Variants in WWOX observed in about 807,000 individuals in gnomAD.
The protein encoded by WWOX is WW domain containing oxidoreductase, also known as WW domain-containing oxidoreductase.
A neutral mutation model predicts 46.2 loss-of-function variants in WWOX; 69 were observed. The ratio of observed to expected loss-of-function variants is 1.49; its 90% confidence interval spans 1.23 to 1.82. WWOX has a LOEUF of 1.82. WWOX is among the 40% of genes most tolerant of loss of function. The probability of loss-of-function intolerance (pLI) is 0.00; values close to 1 mark genes in which losing one functional copy is unlikely to be tolerated. For missense variants in WWOX, 919 were observed against 542.6 expected, an observed-to-expected ratio of 1.69 and a Z score of -6.89; for synonymous variants, 359 against 202.6, an observed-to-expected ratio of 1.77 and a Z score of -6.56.
chr16:78,717,798 A>G (rs1175175344), intron 8 of WWOX, among the ~76,000 whole-genome samples: 1 of 152,060 alleles, frequency 6.6e-6, no homozygotes, highest in Non-Finnish European at 1.5e-5. Flanking sequence ...ATTTAGAAGG[A>G]TGCCCTGTGG....
intron 8 of WWOX, among the ~76,000 whole-genome samples, chr16:78,690,841 C>G (rs139978020): frequency 0.012 from 1,885 of 152,312 alleles, 20 homozygotes; most frequent in South Asian, 0.036. Flanking sequence ...CTCCAGCAGC[C>G]TACCCAGGAT....
intron 8 of WWOX, among the ~76,000 whole-genome samples, chr16:79,026,614 CTT>C (rs748965500): frequency 5.9e-5 from 6 of 101,110 alleles, no homozygotes; most frequent in South Asian, 3.7e-4. Flanking sequence ...GTGGTAGACT[CTT>C]TTTTTTTTTT....
intron 8 of WWOX, among the ~76,000 whole-genome samples, chr16:78,817,169 A>ATT (rs1460643310): frequency 3.5e-3 from 94 of 26,572 alleles, no homozygotes; most frequent in African/African-American, 0.012. Context: ...CATTAGTGCT[A>ATT]TTCTTTTTTT....
intron 8 of WWOX, among the ~76,000 whole-genome samples, chr16:79,095,619 G>T (rs561820062): frequency 6.6e-6 from 1 of 152,100 alleles, no homozygotes; most frequent in Non-Finnish European, 1.5e-5. Flanking sequence ...AGCGGAAGTC[G>T]ATCTTCTTGG....
chr16:78,768,458 C>T (rs769562825), intron 8 of WWOX, among the ~76,000 whole-genome samples: 1 of 151,686 alleles, frequency 6.6e-6, no homozygotes, highest in Admixed American at 6.6e-5. Flanking sequence ...GGTGTGGTGG[C>T]GCACGCCTGT....
At chr16:78,430,221 A>G (rs150412591) in intron 7 of WWOX, among the ~76,000 whole-genome samples, 3,123 of 152,210 alleles carry the variant, frequency 0.021, 44 homozygotes, top group African/African-American at 0.043. Flanking sequence ...CTTATTCACT[A>G]CCATGAGAAC....
intron 8 of WWOX, among the ~76,000 whole-genome samples, chr16:78,625,246 G>T (rs1021577949): frequency 1.1e-4 from 17 of 152,094 alleles, no homozygotes; most frequent in African/African-American, 3.9e-4. Context: ...CGCTGCCCCA[G>T]CCCCACTCTT....
intron 8 of WWOX, among the ~76,000 whole-genome samples, chr16:78,901,746 C>T (rs1016205868): frequency 3.3e-5 from 5 of 152,212 alleles, no homozygotes; most frequent in Non-Finnish European, 7.3e-5. Flanking sequence ...GCCATGGTCT[C>T]CCAAAGTGCT....
intron 8 of WWOX, among the ~76,000 whole-genome samples, chr16:78,850,163 A>G (rs565630598): frequency 2.6e-5 from 4 of 151,828 alleles, no homozygotes; most frequent in African/African-American, 9.7e-5. Context: ...AGTGTGTGTG[A>G]GTGTGTGTGT....
intron 8 of WWOX, among the ~76,000 whole-genome samples, chr16:78,868,864 A>G (rs552153671): frequency 6.6e-6 from 1 of 152,250 alleles, no homozygotes; most frequent in African/African-American, 2.4e-5. Flanking sequence ...TGTCTCATGG[A>G]TTTTTAATAT....
chr16:79,092,832 C>CACTCA (rs2048991037), intron 8 of WWOX, among the ~76,000 whole-genome samples: 1 of 152,198 alleles, frequency 6.6e-6, no homozygotes, highest in Admixed American at 6.5e-5. Flanking sequence ...GAGGCTGTCT[C>CACTCA]ACTCAGGCCC....
chr16:78,477,036 A>G (rs1443132757), intron 8 of WWOX, among the ~76,000 whole-genome samples: 1 of 152,132 alleles, frequency 6.6e-6, no homozygotes, highest in Non-Finnish European at 1.5e-5. Context: ...AATTATTTAT[A>G]CATTTAACAC....
intron 8 of WWOX, among the ~76,000 whole-genome samples, chr16:79,040,311 G>C (rs1244951102): frequency 7.6e-6 from 1 of 131,256 alleles, no homozygotes. Flanking sequence ...GTCTCATTCT[G>C]TTGCCCAGAC....
At position 78,099,759 on chromosome 16, in the gene WWOX, A is replaced by C; in HGVS notation, c.-20A>C. On this transcript the variant is annotated 5_prime_UTR_variant, in exon 1 of 9. Transcript: ENST00000566780. ...CCCGGCAGCGGGCGATAGGGGGGCCAGGTGCCTCCACAGTCAGCCATGGCA... is the reference window on the plus strand; with the variant it reads ...CCCGGCAGCGGGCGATAGGGGGGCCCGGTGCCTCCACAGTCAGCCATGGCA... 6.5e-7 allele frequency: 1 copy of C among 1,530,332 alleles called. No individual in the cohort carries two copies. Among genetic ancestry groups the C allele is most frequent in the South Asian group, 1.2e-5 (1 of 81,540 alleles). 94.8% of individuals were successfully genotyped at this position (1,530,332 alleles called of 1,614,324 possible). A position where few individuals can be genotyped will look rare whatever the true frequency, so the allele number is the denominator to read the frequency against.
At chr16:78,478,012 TTG>T (rs2084393386) in intron 8 of WWOX, among the ~76,000 whole-genome samples, 1 of 152,212 alleles carries the variant, frequency 6.6e-6, no homozygotes, top group African/African-American at 2.4e-5. Context: ...TACCTAACAT[TTG>T]TTATTTTAAA....
At chr16:78,910,295 A>T (rs898265110) in intron 8 of WWOX, among the ~76,000 whole-genome samples, 16 of 150,402 alleles carry the variant, frequency 1.1e-4, no homozygotes, top group Non-Finnish European at 1.9e-4. Flanking sequence ...GACTCACATG[A>T]CAAAATGGAT....
intron 8 of WWOX, among the ~76,000 whole-genome samples, chr16:79,070,424 C>G (rs1485133703): frequency 1.3e-5 from 2 of 152,266 alleles, no homozygotes; most frequent in African/African-American, 2.4e-5. Flanking sequence ...AATGACGTAT[C>G]AGTCCAGATG....
intron 8 of WWOX, among the ~76,000 whole-genome samples, chr16:78,508,175 A>AT (rs1195091101): frequency 6.6e-6 from 1 of 151,936 alleles, no homozygotes; most frequent in Non-Finnish European, 1.5e-5. Context: ...AGCTTTGCTA[A>AT]TTTTTGTATT....
intron 5 of WWOX, among the ~76,000 whole-genome samples, chr16:78,361,074 C>T (rs965747737): frequency 3.3e-5 from 5 of 152,150 alleles, no homozygotes; most frequent in South Asian, 2.1e-4. Context: ...CTGCTTACCT[C>T]GGCTTCCCAA....
Sources: allele counts gnomAD v4.1 joint callset (sites outside exome capture counted in the v4.1 genomes callset), GRCh38; gene constraint gnomAD v4.1.1; transcripts MANE v1.5; gene names NCBI Gene and HGNC (gene_info 2026-07-23, HGNC 2026-07-21).